KDM5A: variants seen among roughly 807,000 people sequenced by gnomAD.
The protein encoded by KDM5A is lysine-specific demethylase 5A.
Under a neutral mutation model 193.5 loss-of-function variants are expected in KDM5A, and 42 were observed. That is an observed-to-expected ratio of 0.22 (90% CI 0.17 to 0.28). The LOEUF is 0.28. KDM5A is among the 10% of genes least tolerant of loss of function. KDM5A has a pLI of 1.00. For missense variants in KDM5A, 1,692 were observed against 2,055.1 expected, an observed-to-expected ratio of 0.82 and a Z score of 3.42; for synonymous variants, 796 against 718.1, an observed-to-expected ratio of 1.11 and a Z score of -1.73.
intron 10 of KDM5A, among the ~76,000 whole-genome samples, chr12:347,468 A>C (rs1239624438): frequency 6.6e-6 from 1 of 152,206 alleles, no homozygotes; most frequent in Non-Finnish European, 1.5e-5. Context: ...AATCCTAAGC[A>C]AAAAGAACAA....
rs778746087 is a variant in KDM5A at position 389,105 on chromosome 12, G to C, written c.-14C>G. 3.2e-3 allele frequency: 2,530 copies of C among 785,920 alleles called. 11 individuals carry two copies. The highest frequency in any genetic ancestry group is 0.03 in the African/African-American group (915 of 30,656). The allele number at this position is 785,920 out of a possible 1,614,324, so 48.7% of individuals were successfully genotyped here. On this transcript the variant is annotated 5_prime_UTR_variant, in exon 1 of 28. Coordinates refer to ENST00000399788, the MANE Select transcript of KDM5A (RefSeq NM_001042603.3). ...CACGCCCGCCATTGCAACGGCCGGG[G>C]GGGGGGGGGGGTCCCCGTGGGGAAC... is the stretch of plus-strand genomic sequence containing the variant.
chr12:371,194 G>C lies in KDM5A; in HGVS notation c.367-5090C>G, dbSNP rs143507687. ...AAGATCCTTGAGGAATCACCACACT[G>C]TTTTCCACAATGGTTGAACTAGTTT... is the stretch of plus-strand genomic sequence containing the variant. On this transcript the variant is annotated intron_variant, in intron 3 of 27. Transcript: ENST00000399788. 4.7e-3 allele frequency among the ~76,000 whole-genome samples: 712 copies of C among 152,318 alleles called. 5 individuals are homozygous for C. The highest frequency in any genetic ancestry group is 0.015 in the African/African-American group (620 of 41,576).
chr12:318,409 A>G lies in KDM5A; in HGVS notation c.2594T>C (p.Met865Thr), dbSNP rs11062385. ...TTTGGAAGAATCTGGGGTTTCATCCATCATGGCCTCCTGAGCACGTTCATG... is the reference window on the plus strand; with the variant it reads ...TTTGGAAGAATCTGGGGTTTCATCCGTCATGGCCTCCTGAGCACGTTCATG... ...EFHERAQEAM[M>T]DETPDSSKLQ... The change falls in exon 19 of 28, where the codon ATG becomes ACG. Residue 865 changes from methionine to threonine, a missense_variant. Around this residue, in one of 11 missense-constraint regions of KDM5A, gnomAD observed 965 missense variants for 1,061.0 expected, o/e 0.91. Transcript: ENST00000399788. 459,302 of 1,613,294 alleles carry G rather than the reference A, an allele frequency of 0.28. 68,068 individuals carry two copies. Among genetic ancestry groups the G allele is most frequent in the East Asian group, 0.52 (23,251 of 44,866 alleles).
At chr12:385,715 C>T (rs1017763187) in intron 2 of KDM5A, among the ~76,000 whole-genome samples, 182 bp downstream of exon 2, 4 of 152,090 alleles carry the variant, frequency 2.6e-5, no homozygotes, top group Admixed American at 2.6e-4. Flanking sequence ...ATGGAAAAAC[C>T]ATAACAACTT....
chr12:352,158 TA>T, intron 9 of KDM5A, 46 bp downstream of exon 9: 1 of 1,143,028 alleles, frequency 8.7e-7, no homozygotes, highest in Non-Finnish European at 1.3e-6. Flanking sequence ...TGTACTCAGG[TA>T]AATCTTTGTA....
At chr12:310,750 T>C (rs78482280) in intron 21 of KDM5A, 135 bp downstream of exon 21, 14,894 of 1,042,602 alleles carry the variant, frequency 0.014, 146 homozygotes, top group Non-Finnish European at 0.017. Flanking sequence ...AGGTTCCAGA[T>C]TTCAAGTCAA....
At position 318,433 on chromosome 12, in the gene KDM5A, T is replaced by C. The variant is rs377487882; in HGVS notation, c.2570A>G (p.His857Arg). ...KNLLDDVEEF[H>R]ERAQEAMMDE... is the part of the protein sequence containing the mutation. Reference sequence around the variant, plus strand: ...CATCATGGCCTCCTGAGCACGTTCATGAAACTCTTCCACATCATCTAGCAG... The same window carrying C: ...CATCATGGCCTCCTGAGCACGTTCACGAAACTCTTCCACATCATCTAGCAG... Residue 857 changes from histidine (H) to arginine (R), a missense_variant, in exon 19 of 28, where the codon CAT (histidine) becomes CGT (arginine). Transcript: ENST00000399788. 2.3e-4 allele frequency: 371 copies of C among 1,613,820 alleles called. No individual in the cohort carries two copies. Among genetic ancestry groups the C allele is most frequent in the Non-Finnish European group, 3.1e-4 (363 of 1,179,810 alleles).
chr12:333,474 C>A lies in KDM5A; in HGVS notation c.1653+13G>T. 14 of 1,613,802 alleles carry A rather than the reference C, an allele frequency of 8.7e-6. No homozygotes were observed. Among genetic ancestry groups the A allele is most frequent in the Non-Finnish European group, 1.2e-5 (14 of 1,179,848 alleles). ...ACAAACAAACAACTGAAGGAAGACA[C>A]CAAAAGACTCACAGGCACACCATGC... On this transcript the variant is annotated intron_variant, in intron 12 of 27. Transcript: ENST00000399788.
intron 24 of KDM5A, 120 bp downstream of exon 24, chr12:306,822 CAGAT>C: frequency 2.1e-6 from 2 of 965,982 alleles, no homozygotes; most frequent in Non-Finnish European, 3.2e-6. Context: ...AAACTCAGAA[CAGAT>C]AAATGATTAG....
At chr12:311,469 C>T (rs929241086) in intron 20 of KDM5A, among the ~76,000 whole-genome samples, 2 of 151,736 alleles carry the variant, frequency 1.3e-5, no homozygotes, top group African/African-American at 4.8e-5. Context: ...CATGGTGAAA[C>T]CCCACCTGGT....
Position 307,851 on chromosome 12 carries a change from T to C in KDM5A, c.3533A>G (p.Glu1178Gly). 1 of 1,614,168 alleles carries C rather than the reference T, an allele frequency of 6.2e-7. No homozygotes were observed. Among genetic ancestry groups the C allele is most frequent in the Non-Finnish European group, 8.5e-7 (1 of 1,180,030 alleles). ...KTASGFMLQC[E>G]LCKDWFHNSC... is the part of the protein sequence containing the mutation. ...GTTATGGAACCAGTCTTTGCAGAGC[T>C]CACACTGTAGCATAAACCCACTGGC... Residue 1178 changes from glutamate (E) to glycine (G), a missense_variant, in exon 23 of 28, where the codon GAG (glutamate) becomes GGG (glycine). By Grantham distance (98) the Glu-to-Gly change is moderately conservative. Coordinates refer to ENST00000399788, the MANE Select transcript of KDM5A (RefSeq NM_001042603.3). The surrounding 1 kb of genome is among the most constrained non-coding windows in gnomAD (Gnocchi z 4.3).
At chr12:336,834 CA>C (rs11292144) in intron 10 of KDM5A, among the ~76,000 whole-genome samples, 42,476 of 121,938 alleles carry the variant, frequency 0.35, 6,053 homozygotes, top group East Asian at 0.54. Context: ...GACTCCATCT[CA>C]AAAAAAAAAA....
At chr12:319,875 G>A (rs1051215243) in intron 18 of KDM5A, among the ~76,000 whole-genome samples, 3 of 152,194 alleles carry the variant, frequency 2.0e-5, no homozygotes, top group African/African-American at 7.2e-5. Flanking sequence ...CAGGGCTGGA[G>A]ATGTGGGATT....
intron 3 of KDM5A, among the ~76,000 whole-genome samples, chr12:375,545 C>A (rs1401158675): frequency 6.6e-6 from 1 of 152,082 alleles, no homozygotes; most frequent in East Asian, 1.9e-4. Context: ...TCGGAGAAGT[C>A]TGATCGTCTG....
At chr12:360,947 G>C (rs2137464174) in intron 5 of KDM5A, among the ~76,000 whole-genome samples, 1 of 152,318 alleles carries the variant, frequency 6.6e-6, no homozygotes, top group South Asian at 2.1e-4. Flanking sequence ...CACAGAGATA[G>C]ACAAAGACTA....
Position 389,006 on chromosome 12 carries a change from A to C in KDM5A, c.86T>G (p.Phe29Cys). 2 of 1,613,558 alleles carry C rather than the reference A, an allele frequency of 1.2e-6. No individual in the cohort carries two copies. Among genetic ancestry groups the C allele is most frequent in the Non-Finnish European group, 8.5e-7 (1 of 1,179,820 alleles). The change falls in exon 1 of 28, where the codon TTC (phenylalanine) becomes TGC (cysteine). Residue 29 changes from phenylalanine to cysteine, a missense_variant. Physicochemically the swap from Phe to Cys is radical, Grantham distance 205 (BLOSUM62 -2). Around this residue, in one of 11 missense-constraint regions of KDM5A, gnomAD observed 84 missense variants for 68.2 expected, o/e 1.23. Transcript: ENST00000399788. ...CPVFEPSWEE[F>C]TDPLSFIGRI... Reference sequence around the variant, plus strand: ...GCCGATAAAGCTGAGCGGATCTGTGAACTCCTCCCAACTCGGCTCAAAGAC... The same window carrying C: ...GCCGATAAAGCTGAGCGGATCTGTGCACTCCTCCCAACTCGGCTCAAAGAC...
rs770784292 is a variant in KDM5A, at chr12:310,922, G to A, written c.3179C>T (p.Thr1060Met). 53 of 1,614,032 alleles carry A rather than the reference G, an allele frequency of 3.3e-5. No individual in the cohort carries two copies. The Admixed American group carries it at 4.0e-4, about 12-fold the overall frequency. ...ATGGCTAGAATTCTTCTTAAGAAAC[G>A]TCCGCCCAGTCCGTTCTCTCCATGC... is the stretch of plus-strand genomic sequence containing the variant. ...ARAWRERTGRTFLKKNSSHTL... is the reference protein window; with the variant it reads ...ARAWRERTGRMFLKKNSSHTL... The change falls in exon 21 of 28, where the codon ACG becomes ATG. Residue 1060 changes from threonine (T) to methionine (M), a missense_variant. Physicochemically the swap from Thr to Met is moderately conservative, Grantham distance 81 (BLOSUM62 -1). This residue lies in a region of KDM5A where 965 missense variants were observed against 1,061.0 expected (regional missense o/e 0.91). Coordinates refer to ENST00000399788, the MANE Select transcript of KDM5A (RefSeq NM_001042603.3).
In KDM5A at chr12:283,685, G is replaced by A. The variant is rs1163830965; in HGVS notation, c.*1771C>T. 8.6e-6 allele frequency: 2 copies of A among 233,164 alleles called. No individual in the cohort carries two copies. The highest frequency in any genetic ancestry group is 1.2e-4 in the East Asian group (2 of 16,556). 14.4% of individuals were successfully genotyped at this position (233,164 alleles called of 1,614,324 possible). On this transcript the variant is annotated 3_prime_UTR_variant, in exon 28 of 28. Transcript: ENST00000399788. ...GCAAAAAGGGAAGAGGAAACTATAA[G>A]CTGTTGCTAGGTCCACCCCAATCCC... is the stretch of plus-strand genomic sequence containing the variant.
At chr12:332,013 G>C (rs1038722497) in intron 12 of KDM5A, 75 bp from the exon 13 acceptor site, 4 of 1,316,056 alleles carry the variant, frequency 3.0e-6, no homozygotes, top group Non-Finnish European at 4.3e-6. Flanking sequence ...GATTTTATTA[G>C]ATAATTTCAG....
Sources: allele counts gnomAD v4.1 joint callset (sites outside exome capture counted in the v4.1 genomes callset), GRCh38; gene constraint gnomAD v4.1.1; regional missense constraint gnomAD v4.1.1; non-coding constraint Gnocchi (gnomAD v3.1); transcripts MANE v1.5; gene names NCBI Gene and HGNC (gene_info 2026-07-23, HGNC 2026-07-21).